CNTNAP5: variants seen among roughly 807,000 people sequenced by gnomAD.
The protein encoded by CNTNAP5 is contactin-associated protein-like 5.
CNTNAP5 carries 72 observed loss-of-function variants against 150.2 expected under a neutral mutation model. The observed-to-expected ratio is 0.48, with a 90% CI of 0.40 to 0.58. The LOEUF is 0.58. Ranked by LOEUF, CNTNAP5 falls within the 20% of genes least tolerant of loss-of-function variation. The pLI is 0.00. For missense variants in CNTNAP5, 1,636 were observed against 1,626.2 expected, an observed-to-expected ratio of 1.01 and a Z score of -0.10; for synonymous variants, 672 against 619.8, an observed-to-expected ratio of 1.08 and a Z score of -1.25.
intron 1 of CNTNAP5, among the ~76,000 whole-genome samples, chr2:124,030,369 T>C (rs370397413): frequency 2.6e-5 from 4 of 152,122 alleles, no homozygotes; most frequent in Non-Finnish European, 5.9e-5. Flanking sequence ...ACAGATCCAG[T>C]TTACAGATGA....
At chr2:124,634,426 A>G (rs1290313471) in intron 12 of CNTNAP5, among the ~76,000 whole-genome samples, 2 of 152,204 alleles carry the variant, frequency 1.3e-5, no homozygotes, top group Non-Finnish European at 2.9e-5. Context: ...AAGCATAGTA[A>G]AAGTGACCTT....
intron 8 of CNTNAP5, among the ~76,000 whole-genome samples, chr2:124,523,528 G>A (rs921904375): frequency 1.3e-5 from 2 of 152,154 alleles, no homozygotes. Flanking sequence ...CAGTAAGGTA[G>A]GTCAGCAGCA....
chr2:124,357,866 G>C (rs1328572274), intron 3 of CNTNAP5, among the ~76,000 whole-genome samples: 5 of 150,030 alleles, frequency 3.3e-5, no homozygotes, highest in Non-Finnish European at 7.4e-5. Context: ...AGCTTGATGG[G>C]GATGGCATTG....
intron 1 of CNTNAP5, among the ~76,000 whole-genome samples, chr2:124,031,488 TA>T (rs1175849881): frequency 1.3e-5 from 2 of 152,188 alleles, no homozygotes; most frequent in Admixed American, 1.3e-4. Flanking sequence ...GGTTAGCTAT[TA>T]AAGGAAAGAA....
intron 3 of CNTNAP5, among the ~76,000 whole-genome samples, chr2:124,316,835 GA>G (rs1219339776): frequency 2.3e-5 from 3 of 130,588 alleles, no homozygotes; most frequent in Non-Finnish European, 3.3e-5. Flanking sequence ...AAAAGAAAAA[GA>G]AAAAAAAGAA....
chr2:124,737,460 G>T (rs891825322), intron 13 of CNTNAP5, among the ~76,000 whole-genome samples: 9 of 152,148 alleles, frequency 5.9e-5, no homozygotes, highest in Non-Finnish European at 1.3e-4. Flanking sequence ...CAAAGAGCAT[G>T]TGCGAGGGCT....
chr2:124,523,397 G>T (rs1402975038), intron 8 of CNTNAP5, among the ~76,000 whole-genome samples: 4 of 152,170 alleles, frequency 2.6e-5, no homozygotes, highest in African/African-American at 9.6e-5. Flanking sequence ...TGACCAATCA[G>T]TTAATATGAC....
intron 19 of CNTNAP5, among the ~76,000 whole-genome samples, chr2:124,816,820 T>C (rs1276009158): frequency 6.6e-6 from 1 of 152,160 alleles, no homozygotes. Flanking sequence ...CAAATATATG[T>C]ATGTATGGAT....
intron 8 of CNTNAP5, among the ~76,000 whole-genome samples, chr2:124,517,307 T>TTTG (rs1694743286): frequency 7.0e-6 from 1 of 142,850 alleles, no homozygotes; most frequent in Non-Finnish European, 1.5e-5. Flanking sequence ...GATGGAGGGT[T>TTTG]GTGATGGTGA....
chr2:124,221,950 A>T (rs1246071602), intron 2 of CNTNAP5, 141 bp downstream of exon 2: 16 of 624,534 alleles, frequency 2.6e-5, no homozygotes, highest in Non-Finnish European at 4.3e-5. Flanking sequence ...GAGGAGTGAA[A>T]ATCTAATGTA....
chr2:124,873,683 A>C (rs1677796493), intron 21 of CNTNAP5, among the ~76,000 whole-genome samples: 1 of 152,132 alleles, frequency 6.6e-6, no homozygotes, highest in South Asian at 2.1e-4. Flanking sequence ...GTAGGGATGG[A>C]GAAAACAGGA....
At chr2:124,807,161 C>T (rs1682098559) in intron 19 of CNTNAP5, among the ~76,000 whole-genome samples, 1 of 152,080 alleles carries the variant, frequency 6.6e-6, no homozygotes, top group South Asian at 2.1e-4. Context: ...GTTCTCTGTG[C>T]AGTTAATTAC....
chr2:124,784,704 G>A (rs549064134), intron 17 of CNTNAP5, among the ~76,000 whole-genome samples: 61 of 152,282 alleles, frequency 4.0e-4, no homozygotes, highest in African/African-American at 1.2e-3. Context: ...GACCCAAATC[G>A]TCTAATATTT....
chr2:124,360,376 G>C (rs1037291264), intron 3 of CNTNAP5, among the ~76,000 whole-genome samples: 1 of 148,440 alleles, frequency 6.7e-6, no homozygotes, highest in Non-Finnish European at 1.5e-5. Flanking sequence ...TATTATGCTC[G>C]TTAGTTGATG....
intron 3 of CNTNAP5, among the ~76,000 whole-genome samples, chr2:124,400,240 C>T (rs1971764): frequency 0.23 from 34,694 of 151,476 alleles, 3,964 homozygotes; most frequent in East Asian, 0.37. Context: ...AGAGTGTCAT[C>T]GCAGGGAGAT....
chr2:124,731,006 A>G lies in CNTNAP5; in HGVS notation c.2078-16223A>G, dbSNP rs1047967148. Among the ~76,000 whole-genome samples the G allele has an allele frequency of 2.0e-5, 3 of 152,030 alleles. No individual in the cohort carries two copies. In the East Asian group the frequency reaches 5.8e-4, roughly 29 times the overall value. Reference sequence around the variant, plus strand: ...AAGTTCTTCATATTTTATTCATTAGAAGAGCTGCTCTGTGCCCATTCTTCT... The same window carrying G: ...AAGTTCTTCATATTTTATTCATTAGGAGAGCTGCTCTGTGCCCATTCTTCT... On this transcript the variant is annotated intron_variant, in intron 13 of 23. Coordinates refer to ENST00000682447, the MANE Select transcript of CNTNAP5 (RefSeq NM_001367498.1).
intron 7 of CNTNAP5, among the ~76,000 whole-genome samples, chr2:124,478,851 C>T (rs1693703044): frequency 6.6e-6 from 1 of 152,178 alleles, no homozygotes; most frequent in African/African-American, 2.4e-5. Flanking sequence ...CGGTACTACT[C>T]ATAAATTATA....
intron 3 of CNTNAP5, among the ~76,000 whole-genome samples, chr2:124,260,505 A>G (rs181504619): frequency 2.0e-5 from 3 of 152,356 alleles, no homozygotes; most frequent in Non-Finnish European, 4.4e-5. Flanking sequence ...ACAAAAGCCA[A>G]AATTGACAAA....
intron 13 of CNTNAP5, among the ~76,000 whole-genome samples, chr2:124,735,167 A>G (rs1680355173): frequency 6.6e-6 from 1 of 152,126 alleles, no homozygotes; most frequent in African/African-American, 2.4e-5. Flanking sequence ...TAGTTGAATC[A>G]ATGACTGCCC....
Sources: gnomAD v4.1 joint callset for allele counts (sites outside exome capture counted in the v4.1 genomes callset) on GRCh38, gnomAD v4.1.1 for gene constraint, MANE v1.5 for transcripts, NCBI Gene and HGNC (gene_info 2026-07-23, HGNC 2026-07-21) for gene names.